Variants in AUTS2 observed in about 807,000 individuals in gnomAD.
AUTS2 encodes the protein activator of transcription and developmental regulator AUTS2.
AUTS2 carries 17 observed loss-of-function variants against 112.4 expected under a neutral mutation model. The ratio of observed to expected loss-of-function variants is 0.15; its 90% confidence interval spans 0.10 to 0.23. The LOEUF (loss-of-function observed/expected upper bound fraction) is 0.23, where lower values mean the gene tolerates loss of function less well. Ranked by LOEUF, AUTS2 falls within the 10% of genes least tolerant of loss-of-function variation. The pLI is 1.00. For missense variants in AUTS2, 1,510 were observed against 1,701.6 expected (o/e 0.89, Z 1.98); for synonymous variants, 751 against 702.7 (o/e 1.07, Z -1.09).
intron 4 of AUTS2, among the ~76,000 whole-genome samples, chr7:70,312,106 G>T (rs1275883126): frequency 6.6e-6 from 1 of 152,150 alleles, no homozygotes; most frequent in African/African-American, 2.4e-5. Flanking sequence ...TGATCCACCT[G>T]CCTCAGCCTC....
intron 2 of AUTS2, among the ~76,000 whole-genome samples, chr7:70,027,537 C>T (rs111920876): frequency 6.6e-6 from 1 of 152,150 alleles, no homozygotes; most frequent in Non-Finnish European, 1.5e-5. Flanking sequence ...CTGGAAATGC[C>T]TGAACTAAAC....
At chr7:70,044,556 G>C (rs985835498) in intron 2 of AUTS2, among the ~76,000 whole-genome samples, 2 of 152,088 alleles carry the variant, frequency 1.3e-5, no homozygotes, top group African/African-American at 2.4e-5. Flanking sequence ...TCTTAAGTGG[G>C]AGAAAAAATC....
At chr7:70,301,363 C>T (rs1789202018) in intron 4 of AUTS2, among the ~76,000 whole-genome samples, 1 of 151,994 alleles carries the variant, frequency 6.6e-6, no homozygotes, top group Non-Finnish European at 1.5e-5. Flanking sequence ...GACTGAGTAC[C>T]TCTTTTGTTT....
intron 4 of AUTS2, among the ~76,000 whole-genome samples, chr7:70,433,572 C>T (rs1292449708): frequency 6.6e-6 from 1 of 152,160 alleles, no homozygotes; most frequent in Non-Finnish European, 1.5e-5. Context: ...TCTTTCTCAA[C>T]TCATTTGACT....
At chr7:70,357,196 C>T (rs934717955) in intron 4 of AUTS2, among the ~76,000 whole-genome samples, 1 of 152,130 alleles carries the variant, frequency 6.6e-6, no homozygotes, top group African/African-American at 2.4e-5. Context: ...AGGAACAAAC[C>T]GCGCAGGGGA....
chr7:70,073,415 G>A (rs190256727), intron 2 of AUTS2, among the ~76,000 whole-genome samples: 1 of 151,590 alleles, frequency 6.6e-6, no homozygotes, highest in East Asian at 2.0e-4. Context: ...GGGGGCTGTG[G>A]CAGGAGAATT....
chr7:69,828,196 A>T (rs980182190), intron 1 of AUTS2, among the ~76,000 whole-genome samples: 1 of 152,174 alleles, frequency 6.6e-6, no homozygotes, highest in Admixed American at 6.5e-5. Flanking sequence ...TCCAGTCATT[A>T]TATTTCTACT....
At chr7:70,442,979 A>G (rs575956535) in intron 5 of AUTS2, among the ~76,000 whole-genome samples, 22 of 152,266 alleles carry the variant, frequency 1.4e-4, no homozygotes, top group South Asian at 6.2e-4. Flanking sequence ...TTAAATTTCT[A>G]TGGTAAATTA....
At chr7:70,027,071 T>C (rs1292271607) in intron 2 of AUTS2, among the ~76,000 whole-genome samples, 2 of 152,158 alleles carry the variant, frequency 1.3e-5, no homozygotes, top group Non-Finnish European at 2.9e-5. Flanking sequence ...ATTTTGCCCA[T>C]CTGTAGGCTA....
intron 1 of AUTS2, among the ~76,000 whole-genome samples, chr7:69,885,178 A>G (rs1221700036): frequency 6.6e-6 from 1 of 152,154 alleles, no homozygotes; most frequent in Non-Finnish European, 1.5e-5. Context: ...AGGAATTTCT[A>G]CTTTTTGTGC....
In AUTS2 at chr7:70,728,427, C is replaced by G. The variant is rs569831728; in HGVS notation, c.742+29807C>G. Reference sequence around the variant, plus strand: ...GCAATTTCAAAGTCCATCTGGAGGCCGGGCATGGTGGTGGCTCATGCCTGT... The same window carrying G: ...GCAATTTCAAAGTCCATCTGGAGGCGGGGCATGGTGGTGGCTCATGCCTGT... On this transcript the variant is annotated intron_variant, in intron 6 of 18. Transcript: ENST00000342771. Among the ~76,000 whole-genome samples the G allele has an allele frequency of 7.2e-5, 11 of 151,962 alleles. No individual in the cohort carries two copies. In the East Asian group the frequency reaches 2.1e-3, roughly 29 times the overall value.
At chr7:70,144,447 A>C (rs1049236313) in intron 4 of AUTS2, among the ~76,000 whole-genome samples, 3 of 152,148 alleles carry the variant, frequency 2.0e-5, no homozygotes, top group African/African-American at 7.2e-5. Flanking sequence ...TAGTGAACCC[A>C]AAATGTTCTT....
chr7:70,399,823 G>A (rs1259268282), intron 4 of AUTS2, among the ~76,000 whole-genome samples: 1 of 152,144 alleles, frequency 6.6e-6, no homozygotes, highest in Admixed American at 6.5e-5. Context: ...GTGTTGGTAA[G>A]CATACAGCCC....
intron 5 of AUTS2, among the ~76,000 whole-genome samples, chr7:70,542,159 TCAAGTTTAC>T (rs1800577577): frequency 6.6e-6 from 1 of 152,210 alleles, no homozygotes; most frequent in African/African-American, 2.4e-5. Flanking sequence ...ATGTCATTGC[TCAAGTTTAC>T]CAATCTAAAA....
chr7:70,773,432 AG>A (rs1790488352), intron 11 of AUTS2, among the ~76,000 whole-genome samples: 1 of 152,206 alleles, frequency 6.6e-6, no homozygotes, highest in African/African-American at 2.4e-5. Flanking sequence ...GGAATAGGTA[AG>A]AGCAAGCAGA....
intron 1 of AUTS2, among the ~76,000 whole-genome samples, chr7:69,681,635 C>T (rs1215023703): frequency 6.6e-6 from 1 of 152,192 alleles, no homozygotes; most frequent in African/African-American, 2.4e-5. Context: ...AAGTTACCTC[C>T]ACTCTGTTCC....
At chr7:69,772,969 A>G (rs151241806) in intron 1 of AUTS2, among the ~76,000 whole-genome samples, 318 of 152,336 alleles carry the variant, frequency 2.1e-3, no homozygotes, top group African/African-American at 7.3e-3. Context: ...TAAAAAATTT[A>G]TGCCTAAAGG....
intron 3 of AUTS2, among the ~76,000 whole-genome samples, chr7:70,121,818 T>C (rs1175862929): frequency 6.6e-6 from 1 of 152,148 alleles, no homozygotes; most frequent in Non-Finnish European, 1.5e-5. Flanking sequence ...ACCCAGCAAT[T>C]TCACTTTTAG....
At position 70,099,764 on chromosome 7, in the gene AUTS2, A is replaced by G. The variant is rs1043998026; in HGVS notation, c.523-18368A>G. ...TTCCTCCAGAAAAGTCAAGTTCTGC[A>G]AACATTTTCTTGTAGTATTTCCAGT... On this transcript the variant is annotated intron_variant, in intron 2 of 18. Coordinates refer to ENST00000342771, the MANE Select transcript of AUTS2 (RefSeq NM_015570.4). Among the ~76,000 whole-genome samples, 50 of 152,336 alleles carry G rather than the reference A, an allele frequency of 3.3e-4. No individual in the cohort carries two copies. In the Middle Eastern group the frequency reaches 0.01, roughly 31 times the overall value.
Sources: allele counts gnomAD v4.1 joint callset (sites outside exome capture counted in the v4.1 genomes callset), GRCh38; gene constraint gnomAD v4.1.1; transcripts MANE v1.5; gene names NCBI Gene and HGNC (gene_info 2026-07-23, HGNC 2026-07-21).